The following ANO6 variants were observed in gnomAD, a reference collection of about 807,000 sequenced individuals.
The protein encoded by ANO6 is anoctamin-6.
ANO6 carries 106 observed loss-of-function variants against 117.5 expected under a neutral mutation model. The ratio of observed to expected loss-of-function variants is 0.90; its 90% confidence interval spans 0.77 to 1.06. ANO6 has a LOEUF of 1.06. Ranked by LOEUF, ANO6 falls within the 50% of genes least tolerant of loss-of-function variation. The pLI is 0.00. For missense variants in ANO6, 955 were observed against 1,121.1 expected (o/e 0.85, Z 2.12); for synonymous variants, 367 against 385.1 (o/e 0.95, Z 0.55).
chr12:45,239,533 T>A (rs1947704402), intron 1 of ANO6, among the ~76,000 whole-genome samples: 1 of 151,802 alleles, frequency 6.6e-6, no homozygotes, highest in South Asian at 2.1e-4. Context: ...GGGTTTTTTG[T>A]GTTTCTGTTT....
At chr12:45,273,423 T>C (rs1938451766) in intron 1 of ANO6, among the ~76,000 whole-genome samples, 1 of 152,194 alleles carries the variant, frequency 6.6e-6, no homozygotes, top group Non-Finnish European at 1.5e-5. Context: ...CACATTTGAT[T>C]TGGGGAAGGC....
At chr12:45,322,449 G>A (rs549389451) in intron 2 of ANO6, among the ~76,000 whole-genome samples, 8 of 152,108 alleles carry the variant, frequency 5.3e-5, no homozygotes, top group Non-Finnish European at 1.0e-4. Context: ...ATAAAATGTG[G>A]CCTATAATCA....
chr12:45,343,481 A>G (rs1941038919), intron 3 of ANO6, among the ~76,000 whole-genome samples: 1 of 152,166 alleles, frequency 6.6e-6, no homozygotes, highest in African/African-American at 2.4e-5. Flanking sequence ...TCTCCCCTGA[A>G]GGAAAGAATG....
chr12:45,380,558 AC>A (rs1942142709), intron 10 of ANO6, among the ~76,000 whole-genome samples: 1 of 151,990 alleles, frequency 6.6e-6, no homozygotes, highest in Non-Finnish European at 1.5e-5. Flanking sequence ...TGCTACCACC[AC>A]CCTGACTCTG....
intron 3 of ANO6, among the ~76,000 whole-genome samples, chr12:45,332,327 C>T (rs542495045): frequency 9.9e-5 from 15 of 152,014 alleles, no homozygotes; most frequent in African/African-American, 3.6e-4. Flanking sequence ...CACACACACA[C>T]ACACAAAACT....
intron 1 of ANO6, among the ~76,000 whole-genome samples, chr12:45,235,499 G>A (rs1035334417): frequency 3.3e-5 from 5 of 152,120 alleles, no homozygotes; most frequent in Non-Finnish European, 7.3e-5. Flanking sequence ...AGAAATCCAG[G>A]CCTGGCAGTA....
intron 2 of ANO6, among the ~76,000 whole-genome samples, chr12:45,305,868 G>A (rs570635772): frequency 9.9e-5 from 15 of 152,052 alleles, no homozygotes; most frequent in Non-Finnish European, 2.1e-4. Context: ...GTCATGGCGG[G>A]CCCATTAGAC....
At chr12:45,363,788 G>T (rs1941617175) in intron 8 of ANO6, among the ~76,000 whole-genome samples, 1 of 152,128 alleles carries the variant, frequency 6.6e-6, no homozygotes, top group Admixed American at 6.5e-5. Flanking sequence ...GGTTTTATAA[G>T]GGGAAACGCG....
At chr12:45,278,890 A>G (rs1938635426) in intron 1 of ANO6, among the ~76,000 whole-genome samples, 1 of 152,218 alleles carries the variant, frequency 6.6e-6, no homozygotes, top group African/African-American at 2.4e-5. Context: ...AAACTCTGTT[A>G]GTAATTTTAG....
At chr12:45,424,333 T>G (rs1943442101) in intron 19 of ANO6, among the ~76,000 whole-genome samples, 2 of 119,436 alleles carry the variant, frequency 1.7e-5, no homozygotes, top group South Asian at 3.1e-4. Flanking sequence ...ATGGGTTTTT[T>G]TTTTTTTTTT....
Position 45,439,681 on chromosome 12 carries a change from G to A in ANO6, c.2533G>A (p.Ala845Thr), listed in dbSNP as rs751606223. 25 of 1,265,452 alleles carry A rather than the reference G, an allele frequency of 2.0e-5. 1 individual carries two copies. Among genetic ancestry groups the A allele is most frequent in the South Asian group, 7.0e-5 (3 of 42,712 alleles). 78.4% of individuals were successfully genotyped at this position (1,265,452 alleles called of 1,614,324 possible). The change falls in exon 20 of 20, where the codon GCT becomes ACT. Residue 845 changes from alanine (A) to threonine (T), a missense_variant. Coordinates refer to the ANO6 transcript ENST00000425752. ...TTTTTTTTTTTTGAGACAGTATCTC[G>A]CTTTGTTGCCCAGGCTGGGACACAG... is the stretch of plus-strand genomic sequence containing the variant.
At chr12:45,217,604 G>A (rs915806301) in intron 1 of ANO6, among the ~76,000 whole-genome samples, 2 of 152,188 alleles carry the variant, frequency 1.3e-5, no homozygotes, top group African/African-American at 4.8e-5. Flanking sequence ...GCAAATAGTA[G>A]TAGTTTTTAT....
chr12:45,285,783 C>A (rs1361536756), intron 1 of ANO6, among the ~76,000 whole-genome samples: 1 of 151,730 alleles, frequency 6.6e-6, no homozygotes, highest in African/African-American at 2.4e-5. Context: ...GTGTGGAGCA[C>A]CTGCATCAAT....
At chr12:45,298,949 G>A (rs1018082549) in intron 1 of ANO6, among the ~76,000 whole-genome samples, 6 of 151,762 alleles carry the variant, frequency 4.0e-5, no homozygotes, top group African/African-American at 9.7e-5. Context: ...TAGATAAGAT[G>A]CCAAGTCACT....
At chr12:45,300,494 A>G (rs955056945) in intron 1 of ANO6, among the ~76,000 whole-genome samples, 2 of 152,198 alleles carry the variant, frequency 1.3e-5, no homozygotes, top group African/African-American at 4.8e-5. Context: ...AATTTTTTAT[A>G]GTTTTATACT....
At chr12:45,318,712 G>A (rs1940141334) in intron 2 of ANO6, among the ~76,000 whole-genome samples, 1 of 152,034 alleles carries the variant, frequency 6.6e-6, no homozygotes, top group Admixed American at 6.6e-5. Flanking sequence ...AATTACCTTG[G>A]GCAGTATGGC....
intron 1 of ANO6, among the ~76,000 whole-genome samples, chr12:45,251,950 G>A (rs374698689): frequency 7.2e-5 from 11 of 152,118 alleles, no homozygotes; most frequent in Non-Finnish European, 1.6e-4. Flanking sequence ...TTCATTCTCC[G>A]ATATAGTATT....
chr12:45,279,894 T>C (rs1294012149), intron 1 of ANO6, among the ~76,000 whole-genome samples: 2 of 152,380 alleles, frequency 1.3e-5, no homozygotes, highest in African/African-American at 4.8e-5. Context: ...TCAGTCTCAG[T>C]AATTCTGACA....
chr12:45,299,696 CA>C lies in ANO6; in HGVS notation c.71-2310del, dbSNP rs563973212. 4.6e-5 allele frequency among the ~76,000 whole-genome samples: 7 copies of C among 151,460 alleles called. No homozygotes were observed. In the East Asian group the frequency reaches 1.2e-3, roughly 25 times the overall value. ...TGAAAACGCTTCTCTACTAAAAATA[CA>C]AAAAAAACTAGCCAGGTGTAGTGGC... On this transcript the variant is annotated intron_variant, in intron 1 of 19. Transcript: ENST00000320560.
Sources: allele counts gnomAD v4.1 joint callset (sites outside exome capture counted in the v4.1 genomes callset), GRCh38; gene constraint gnomAD v4.1.1; transcripts MANE v1.5; gene names NCBI Gene and HGNC (gene_info 2026-07-23, HGNC 2026-07-21).